PPP2R2C: variants seen among roughly 807,000 people sequenced by gnomAD.
PPP2R2C encodes the protein protein phosphatase 2, regulatory subunit B, gamma.
PPP2R2C carries 10 observed loss-of-function variants against 45.3 expected under a neutral mutation model. The ratio of observed to expected loss-of-function variants is 0.22; its 90% CI spans 0.14 to 0.37. The LOEUF (loss-of-function observed/expected upper bound fraction) is 0.37, where lower values mean the gene tolerates loss of function less well. PPP2R2C is among the 10% of genes least tolerant of loss of function. The pLI, the probability that PPP2R2C is intolerant of heterozygous loss-of-function variation, is 1.00. For synonymous variants in PPP2R2C, 257 were observed against 245.4 expected (o/e 1.05, Z -0.44); for missense variants, 308 against 619.7 (o/e 0.50, Z 5.34).
intron 1 of PPP2R2C, among the ~76,000 whole-genome samples, chr4:6,556,124 A>G (rs1725392771): frequency 6.6e-6 from 1 of 152,146 alleles, no homozygotes; most frequent in Non-Finnish European, 1.5e-5. Context: ...GTGGGGGTTC[A>G]TTCCATGTGT....
intron 1 of PPP2R2C, among the ~76,000 whole-genome samples, chr4:6,446,193 G>A (rs1329899602): frequency 1.3e-5 from 2 of 152,262 alleles, no homozygotes; most frequent in Non-Finnish European, 1.5e-5. Flanking sequence ...CTAGAACCAC[G>A]TTCTGAGACT....
chr4:6,516,941 C>T (rs1421485290), intron 2 of PPP2R2C, among the ~76,000 whole-genome samples: 1 of 152,170 alleles, frequency 6.6e-6, no homozygotes, highest in Admixed American at 6.5e-5. Context: ...AGGGCACTGC[C>T]TCACTGTCCC....
intron 2 of PPP2R2C, among the ~76,000 whole-genome samples, chr4:6,507,612 A>G (rs997954662): frequency 3.9e-5 from 6 of 152,260 alleles, no homozygotes; most frequent in African/African-American, 1.4e-4. Flanking sequence ...GATGACTGCT[A>G]AAAGTCACTA....
chr4:6,537,964 G>A (rs1724686017), intron 1 of PPP2R2C, among the ~76,000 whole-genome samples: 2 of 152,142 alleles, frequency 1.3e-5, no homozygotes, highest in Admixed American at 6.5e-5. Context: ...CAGAATAGGG[G>A]TTACCAGGGC....
intron 1 of PPP2R2C, among the ~76,000 whole-genome samples, chr4:6,538,102 G>T (rs2108829147): frequency 1.3e-5 from 2 of 152,224 alleles, no homozygotes; most frequent in Non-Finnish European, 2.9e-5. Flanking sequence ...TGCTTAAAAT[G>T]ATTAGTTTTA....
intron 5 of PPP2R2C, among the ~76,000 whole-genome samples, chr4:6,367,146 C>T (rs1009191532): frequency 7.9e-5 from 12 of 151,920 alleles, no homozygotes; most frequent in Admixed American, 5.9e-4. Flanking sequence ...AGGCTCCCTC[C>T]CTCCAGCAGA....
At chr4:6,336,308 G>C (rs1455206809) in intron 6 of PPP2R2C, among the ~76,000 whole-genome samples, 1 of 152,000 alleles carries the variant, frequency 6.6e-6, no homozygotes, top group Non-Finnish European at 1.5e-5. Context: ...CTTTCCACAA[G>C]GGCACATTGA....
chr4:6,411,823 A>C (rs548012557), intron 1 of PPP2R2C, among the ~76,000 whole-genome samples: 3 of 151,762 alleles, frequency 2.0e-5, no homozygotes, highest in African/African-American at 7.3e-5. Flanking sequence ...AAGTGCTAGG[A>C]TTATAGGCAT....
At chr4:6,326,494 T>C (rs1013233645) in intron 8 of PPP2R2C, among the ~76,000 whole-genome samples, 1 of 152,128 alleles carries the variant, frequency 6.6e-6, no homozygotes, top group Admixed American at 6.5e-5. Context: ...AAGCCTGTTG[T>C]GGGAGGGCCT....
chr4:6,441,393 G>C, intron 1 of PPP2R2C, among the ~76,000 whole-genome samples: 1 of 151,978 alleles, frequency 6.6e-6, no homozygotes, highest in Middle Eastern at 3.4e-3. Flanking sequence ...GAGGAGCCAC[G>C]CTCCTCAGCC....
At chr4:6,504,599 T>C (rs1723162190) in intron 2 of PPP2R2C, among the ~76,000 whole-genome samples, 2 of 152,078 alleles carry the variant, frequency 1.3e-5, no homozygotes, top group South Asian at 2.1e-4. Context: ...AGCAAAGAAA[T>C]AGAAACTACT....
intron 2 of PPP2R2C, among the ~76,000 whole-genome samples, 197 bp downstream of exon 2, chr4:6,380,800 G>C (rs555328892): frequency 3.3e-5 from 5 of 152,164 alleles, no homozygotes; most frequent in African/African-American, 1.2e-4. Flanking sequence ...CATGCCCCTG[G>C]GAGATGTGAT....
chr4:6,427,927 T>G (rs1719415477), intron 1 of PPP2R2C, among the ~76,000 whole-genome samples: 1 of 152,168 alleles, frequency 6.6e-6, no homozygotes, highest in Non-Finnish European at 1.5e-5. Context: ...GCATCTCAGT[T>G]GATCCCCTAA....
intron 5 of PPP2R2C, chr4:6,350,289 G>A (rs1281655468): frequency 1.3e-5 from 13 of 985,350 alleles, no homozygotes; most frequent in Admixed American, 6.1e-5. Context: ...TCCAGGACAC[G>A]CTGCCCGCTC....
intron 1 of PPP2R2C, among the ~76,000 whole-genome samples, chr4:6,536,755 A>T (rs942200598): frequency 2.0e-5 from 3 of 152,254 alleles, no homozygotes; most frequent in African/African-American, 7.2e-5. Flanking sequence ...TGTCAAGAAC[A>T]ATCATTTCCA....
intron 2 of PPP2R2C, among the ~76,000 whole-genome samples, chr4:6,528,704 C>A (rs1724294601): frequency 6.6e-6 from 1 of 152,174 alleles, no homozygotes; most frequent in African/African-American, 2.4e-5. Flanking sequence ...GACATTCCAC[C>A]ACAAAAGAAG....
chr4:6,490,583 T>C (rs1221053731), intron 2 of PPP2R2C, among the ~76,000 whole-genome samples: 1 of 152,038 alleles, frequency 6.6e-6, no homozygotes, highest in African/African-American at 2.4e-5. Flanking sequence ...GGGAACCAGA[T>C]GGGACAGGTG....
chr4:6,503,607 C>T (rs999184533), intron 2 of PPP2R2C, among the ~76,000 whole-genome samples: 2 of 152,106 alleles, frequency 1.3e-5, no homozygotes, highest in African/African-American at 2.4e-5. Flanking sequence ...ACCAATTTGA[C>T]AGTTTTGTGT....
At position 6,378,782 on chromosome 4, in the gene PPP2R2C, A is replaced by G. The variant is rs1211168957; in HGVS notation, c.169-210T>C. On this transcript the variant is annotated intron_variant, in intron 2 of 8. Coordinates refer to ENST00000382599, the MANE Select transcript of PPP2R2C (RefSeq NM_020416.4). The surrounding 1 kb of genome is among the most constrained non-coding windows in gnomAD (Gnocchi z 5.2). ...AGCCCCGCTCCCGTGCGGTCCCATG[A>G]AACACTCACACCCGAGCCGGCTAAC... is the stretch of plus-strand genomic sequence containing the variant. Among the ~76,000 whole-genome samples the G allele has an allele frequency of 6.6e-6, 1 of 151,970 alleles. No individual in the cohort carries two copies. Among genetic ancestry groups the G allele is most frequent in the East Asian group, 1.9e-4 (1 of 5,140 alleles).
Sources: allele counts gnomAD v4.1 joint callset (sites outside exome capture counted in the v4.1 genomes callset), GRCh38; gene constraint gnomAD v4.1.1; non-coding constraint Gnocchi (gnomAD v3.1); transcripts MANE v1.5; gene names NCBI Gene and HGNC (gene_info 2026-07-23, HGNC 2026-07-21).